Variants in GLDC observed in about 807,000 individuals in gnomAD.
GLDC encodes the protein glycine decarboxylase.
Under a neutral mutation model 121.3 loss-of-function variants are expected in GLDC, and 104 were observed. The observed-to-expected ratio is 0.86, with a 90% CI of 0.73 to 1.01. GLDC has a LOEUF of 1.01. Among genes scored for constraint, GLDC ranks in the 50% least tolerant of loss-of-function variants. The pLI is 0.00. For missense variants in GLDC, 1,429 were observed against 1,306.6 expected, an observed-to-expected ratio of 1.09 and a Z score of -1.44; for synonymous variants, 546 against 480.6, an observed-to-expected ratio of 1.14 and a Z score of -1.78.
At chr9:6,622,055 A>C (rs1425840008) in intron 2 of GLDC, among the ~76,000 whole-genome samples, 2 of 152,134 alleles carry the variant, frequency 1.3e-5, no homozygotes, top group Non-Finnish European at 2.9e-5. Flanking sequence ...CTGGCAAGGA[A>C]GACACTTAAC....
At chr9:6,627,012 T>A (rs1819256657) in intron 2 of GLDC, among the ~76,000 whole-genome samples, 1 of 152,078 alleles carries the variant, frequency 6.6e-6, no homozygotes, top group African/African-American at 2.4e-5. Flanking sequence ...GGCAAACTAG[T>A]GGGCCGGGCG....
chr9:6,641,749 T>A (rs902435275), intron 2 of GLDC, among the ~76,000 whole-genome samples: 1 of 152,250 alleles, frequency 6.6e-6, no homozygotes, highest in Non-Finnish European at 1.5e-5. Context: ...GAGTTATGTG[T>A]AATAAGTAAC....
chr9:6,608,522 T>TGAGGTC (rs1297581530), intron 4 of GLDC, among the ~76,000 whole-genome samples: 1 of 145,868 alleles, frequency 6.9e-6, no homozygotes, highest in Non-Finnish European at 1.5e-5. Flanking sequence ...GGGCGGATCA[T>TGAGGTC]GAGGTCAGGA....
At chr9:6,612,057 C>T (rs941180049) in intron 3 of GLDC, among the ~76,000 whole-genome samples, 1 of 151,936 alleles carries the variant, frequency 6.6e-6, no homozygotes, top group South Asian at 2.1e-4. Flanking sequence ...TTTCTATTTG[C>T]CTACACCATG....
At chr9:6,601,371 C>A (rs1818607162) in intron 8 of GLDC, among the ~76,000 whole-genome samples, 1 of 152,148 alleles carries the variant, frequency 6.6e-6, no homozygotes, top group Non-Finnish European at 1.5e-5. Context: ...GCCAAGAATA[C>A]TAGAGACCCT....
intron 15 of GLDC, among the ~76,000 whole-genome samples, chr9:6,575,185 G>A (rs1188559301): frequency 3.4e-5 from 5 of 147,192 alleles, no homozygotes; most frequent in African/African-American, 5.0e-5. Flanking sequence ...CAGCCTGGGC[G>A]ACAGAGTGAG....
Position 6,589,254 on chromosome 9 carries a change from A to G in GLDC, c.1521T>C (p.Gly507=), listed in dbSNP as rs1490505689. 3 of 1,610,758 alleles carry G rather than the reference A, an allele frequency of 1.9e-6. No individual in the cohort carries two copies. The South Asian group carries it at 3.3e-5, about 18-fold the overall frequency. ...VAESMGEECR[G]IPGSVFKRTS... ...TCCTCTTGAACACAGACCCTGGAAT[A>G]CCTCTGCACTCCTCTCCCATGCTTT... The change falls in exon 12 of 25, where the codon GGT becomes GGC. Residue 507 remains glycine (G), a synonymous_variant. Coordinates refer to ENST00000321612, the MANE Select transcript of GLDC (RefSeq NM_000170.3).
At chr9:6,608,809 T>TA (rs917439127) in intron 4 of GLDC, among the ~76,000 whole-genome samples, 189 of 151,864 alleles carry the variant, frequency 1.2e-3, no homozygotes, top group African/African-American at 4.3e-3. Flanking sequence ...AGCAATTTTT[T>TA]AAAAAAAGAG....
rs770297063 is a variant in GLDC, at chr9:6,605,289, A to G, written c.714-11T>C. On this transcript the variant is annotated splice_polypyrimidine_tract_variant and intron_variant, in intron 5 of 24. Coordinates refer to ENST00000321612, the MANE Select transcript of GLDC (RefSeq NM_000170.3). ...AGGACTCCAGTATATCTGGAAAGAC[A>G]GACAACAAAGAACAATCGTGCTTTC... 5.0e-6 allele frequency: 8 copies of G among 1,613,246 alleles called. No individual in the cohort carries two copies. In the South Asian group the frequency reaches 7.7e-5, roughly 16 times the overall value.
rs1819520629 is a variant in GLDC, at chr9:6,637,133, T to C, written c.334+7481A>G. ...CGGGCACAATGGCTCACGCCTGTAATGCCAGCACTTTGGAAAATCCCAGCA... is the reference window on the plus strand; with the variant it reads ...CGGGCACAATGGCTCACGCCTGTAACGCCAGCACTTTGGAAAATCCCAGCA... On this transcript the variant is annotated intron_variant, in intron 2 of 24. Coordinates refer to ENST00000321612, the MANE Select transcript of GLDC (RefSeq NM_000170.3). Among the ~76,000 whole-genome samples, 3 of 150,322 alleles carry C rather than the reference T, an allele frequency of 2.0e-5. No individual in the cohort carries two copies. In the South Asian group the frequency reaches 6.3e-4, roughly 32 times the overall value.
intron 15 of GLDC, among the ~76,000 whole-genome samples, chr9:6,586,518 A>G (rs533906208): frequency 2.2e-4 from 33 of 152,312 alleles, no homozygotes; most frequent in Middle Eastern, 3.4e-3. Flanking sequence ...TTTCAAAGTT[A>G]GTGACATTAC....
At chr9:6,550,441 A>T (rs1429002261) in intron 21 of GLDC, among the ~76,000 whole-genome samples, 1 of 152,156 alleles carries the variant, frequency 6.6e-6, no homozygotes, top group Non-Finnish European at 1.5e-5. Flanking sequence ...AGCCTGGCCA[A>T]TATGGTGAAA....
intron 15 of GLDC, among the ~76,000 whole-genome samples, chr9:6,577,658 G>C (rs765819162): frequency 1.6e-4 from 24 of 152,086 alleles, no homozygotes; most frequent in Admixed American, 3.3e-4. Flanking sequence ...ACAACTGTTT[G>C]AGTCCCATCC....
rs573823643 is a variant in GLDC at position 6,571,542 on chromosome 9, C to T, written c.1851-6113G>A. On this transcript the variant is annotated intron_variant, in intron 15 of 24. Transcript: ENST00000321612. ...GTACGATTTCACTGTTCCTTGAAAG[C>T]GCTGTGATAACATAGCAGTTGATCT... Among the ~76,000 whole-genome samples, 24 of 152,202 alleles carry T rather than the reference C, an allele frequency of 1.6e-4. 1 individual carries two copies. The South Asian group carries it at 3.9e-3, about 25-fold the overall frequency.
intron 11 of GLDC, 95 bp from the exon 12 acceptor site, chr9:6,589,387 A>C: frequency 1.4e-6 from 1 of 701,096 alleles, no homozygotes; most frequent in Non-Finnish European, 2.6e-6. Flanking sequence ...CAAAGCACTC[A>C]AAATGGATCA....
At chr9:6,599,371 G>A (rs183513317) in intron 8 of GLDC, among the ~76,000 whole-genome samples, 1 of 152,112 alleles carries the variant, frequency 6.6e-6, no homozygotes, top group East Asian at 1.9e-4. Flanking sequence ...AAGGGAAAAC[G>A]TAAGCAGAGA....
At chr9:6,584,840 A>T (rs1818236762) in intron 15 of GLDC, among the ~76,000 whole-genome samples, 1 of 152,216 alleles carries the variant, frequency 6.6e-6, no homozygotes, top group Admixed American at 6.5e-5. Context: ...CAGGAACGAC[A>T]TCATGATGAA....
chr9:6,601,982 T>C, intron 8 of GLDC, 127 bp downstream of exon 8: 1 of 697,292 alleles, frequency 1.4e-6, no homozygotes, highest in East Asian at 2.7e-5. Flanking sequence ...ACCAATAAGA[T>C]CTTGCCATTT....
intron 17 of GLDC, among the ~76,000 whole-genome samples, chr9:6,556,834 C>T (rs1817643322): frequency 6.6e-6 from 1 of 151,912 alleles, no homozygotes; most frequent in South Asian, 2.1e-4. Context: ...ATAATAAGAT[C>T]CTTTCAGGCT....
Sources: allele counts gnomAD v4.1 joint callset (sites outside exome capture counted in the v4.1 genomes callset), GRCh38; gene constraint gnomAD v4.1.1; transcripts MANE v1.5; gene names NCBI Gene and HGNC (gene_info 2026-07-23, HGNC 2026-07-21).